The following ACVRL1 variants were observed in gnomAD, a reference collection of about 807,000 sequenced individuals.
ACVRL1 encodes the protein activin A receptor like type 1, also known as activin receptor type-1-like.
In ACVRL1, 20 loss-of-function variants were observed where a neutral mutation model predicts 51.9. That is an observed-to-expected ratio of 0.39 (90% CI 0.27 to 0.56). The LOEUF (loss-of-function observed/expected upper bound fraction) is 0.56, where lower values mean the gene tolerates loss of function less well. ACVRL1 is among the 20% of genes least tolerant of loss of function. The probability of loss-of-function intolerance (pLI) is 0.67; values close to 1 mark genes in which losing one functional copy is unlikely to be tolerated. For synonymous variants in ACVRL1, 288 were observed against 280.9 expected (o/e 1.03, Z -0.25); for missense variants, 451 against 670.3 (o/e 0.67, Z 3.61).
chr12:51,909,836 G>T (rs934060867), intron 1 of ACVRL1, among the ~76,000 whole-genome samples: 5 of 152,114 alleles, frequency 3.3e-5, no homozygotes, highest in Admixed American at 1.3e-4. Flanking sequence ...CTCAGAGAAG[G>T]TTAACTGTTA....
At chr12:51,912,397 G>C (rs1435341135) in intron 1 of ACVRL1, 73 bp from the exon 2 acceptor site, 2 of 1,526,204 alleles carry the variant, frequency 1.3e-6, no homozygotes, top group Non-Finnish European at 1.8e-6. Flanking sequence ...TTTCCTCTGG[G>C]CAGGAGGGAG....
intron 8 of ACVRL1, 83 bp downstream of exon 8, chr12:51,916,316 G>A (rs1455300353): frequency 4.7e-6 from 7 of 1,490,280 alleles, no homozygotes; most frequent in East Asian, 2.4e-5. Flanking sequence ...AGTGCCCATG[G>A]CCTGGGAGGT....
At chr12:51,911,599 C>A (rs942686575) in intron 1 of ACVRL1, among the ~76,000 whole-genome samples, 3 of 152,194 alleles carry the variant, frequency 2.0e-5, no homozygotes, top group African/African-American at 7.2e-5. Context: ...GGGCTGCCAC[C>A]ACTGGATAGG....
chr12:51,915,109 T>A, intron 6 of ACVRL1, 116 bp from the exon 7 acceptor site: 1 of 1,166,386 alleles, frequency 8.6e-7, no homozygotes, highest in Non-Finnish European at 1.3e-6. Flanking sequence ...CCCCCAGACC[T>A]AGCTTAGCAG....
Position 51,920,931 on chromosome 12 carries a change from TGGGGGGGTGG to T in ACVRL1, c.*43_*52del. Reference sequence around the variant, plus strand: ...TGATTCCTTTCTGCCTGCAGGGGGCTGGGGGGGTGGGGGGCAGTGGATGGTGCCCTATCTG... The same window carrying T: ...TGATTCCTTTCTGCCTGCAGGGGGCTGGGGCAGTGGATGGTGCCCTATCTG... On this transcript the variant is annotated 3_prime_UTR_variant, in exon 10 of 10. Transcript: ENST00000388922. 9.9e-6 allele frequency: 2 copies of T among 203,032 alleles called. No individual in the cohort carries two copies. The highest frequency in any genetic ancestry group is 3.1e-5 in the South Asian group (1 of 32,120). 12.6% of individuals were successfully genotyped at this position (203,032 alleles called of 1,614,324 possible).
At chr12:51,910,195 T>C (rs966602896) in intron 1 of ACVRL1, among the ~76,000 whole-genome samples, 1 of 152,198 alleles carries the variant, frequency 6.6e-6, no homozygotes, top group African/African-American at 2.4e-5. Context: ...CGCTCCACAG[T>C]GTCACCACGT....
chr12:51,913,951 C>A, intron 4 of ACVRL1, 23 bp from the exon 5 acceptor site: 1 of 1,610,212 alleles, frequency 6.2e-7, no homozygotes, highest in South Asian at 1.1e-5. Context: ...GGCAGCCTCT[C>A]AGTGGCCTCT....
At chr12:51,915,144 C>T in intron 6 of ACVRL1, 81 bp from the exon 7 acceptor site, 2 of 1,512,796 alleles carry the variant, frequency 1.3e-6, no homozygotes, top group Non-Finnish European at 1.8e-6. Context: ...CCCTCTCCCC[C>T]AACCCCACCC....
At chr12:51,915,646 C>A in intron 7 of ACVRL1, 146 bp downstream of exon 7, 1 of 1,138,534 alleles carries the variant, frequency 8.8e-7, no homozygotes, top group Non-Finnish European at 1.2e-6. Context: ...CAAGACCCCA[C>A]GAGTTGTCTG....
chr12:51,920,942 G>GGGGGGGGC lies in ACVRL1; in HGVS notation c.*52_*53insGGGGCGGG. On this transcript the variant is annotated 3_prime_UTR_variant, in exon 10 of 10. Transcript: ENST00000388922. ...TGCCTGCAGGGGGCTGGGGGGGTGG[G>GGGGGGGGC]GGGCAGTGGATGGTGCCCTATCTGG... 1.6e-6 allele frequency: 1 copy of GGGGGGGGC among 629,042 alleles called. No homozygotes were observed. The highest frequency in any genetic ancestry group is 4.4e-4 in the Middle Eastern group (1 of 2,294). 39.0% of individuals were successfully genotyped at this position (629,042 alleles called of 1,614,324 possible).
chr12:51,922,859 G>A lies in ACVRL1; in HGVS notation c.*1966G>A, dbSNP rs557582466. The A allele has an allele frequency of 1.3e-5, 2 of 152,708 alleles. No homozygotes were observed. The highest frequency in any genetic ancestry group is 1.3e-4 in the Admixed American group (2 of 15,298). The allele number at this position is 152,708 out of a possible 1,614,324, so 9.5% of individuals were successfully genotyped here. A position where few individuals can be genotyped will look rare whatever the true frequency, so the allele number is the denominator to read the frequency against. On this transcript the variant is annotated 3_prime_UTR_variant, in exon 10 of 10. Coordinates refer to ENST00000388922, the MANE Select transcript of ACVRL1 (RefSeq NM_000020.3). ...CCATCCTCATGGTGGCACTTTTCTA[G>A]GCCTGTCTCCCAGCATTGTGCAAGG...
Position 51,921,317 on chromosome 12 carries a change from A to T in ACVRL1, c.*424A>T, listed in dbSNP as rs530324398. The T allele has an allele frequency of 6.8e-6, 2 of 292,362 alleles. No homozygotes were observed. Among genetic ancestry groups the T allele is most frequent in the African/African-American group, 4.3e-5 (2 of 46,122 alleles). 18.1% of individuals were successfully genotyped at this position (292,362 alleles called of 1,614,324 possible). A position where few individuals can be genotyped will look rare whatever the true frequency, so the allele number is the denominator to read the frequency against. On this transcript the variant is annotated 3_prime_UTR_variant, in exon 10 of 10. Coordinates refer to ENST00000388922, the MANE Select transcript of ACVRL1 (RefSeq NM_000020.3). ...GCCAGGGTGGCACAGGGCCCTGTCC[A>T]GCCCCTGGCACACACTTCCCTGCCA...
chr12:51,923,237 C>G lies in ACVRL1; in HGVS notation c.*2344C>G, dbSNP rs1033472948. 9 of 152,302 alleles carry G rather than the reference C, an allele frequency of 5.9e-5. No homozygotes were observed. The highest frequency in any genetic ancestry group is 2.2e-4 in the African/African-American group (9 of 41,462). 9.4% of individuals were successfully genotyped at this position (152,302 alleles called of 1,614,324 possible). On this transcript the variant is annotated 3_prime_UTR_variant, in exon 10 of 10. Coordinates refer to ENST00000388922, the MANE Select transcript of ACVRL1 (RefSeq NM_000020.3). ...GAGAGCAGTCTGCACATGCTTCTGT[C>G]TGAGTGCAGGAAGGTGTTCCAGGGT... is the stretch of plus-strand genomic sequence containing the variant.
chr12:51,912,260 C>A, intron 1 of ACVRL1: 1 of 643,598 alleles, frequency 1.6e-6, no homozygotes, highest in Non-Finnish European at 2.8e-6. Context: ...CTCCACCCTT[C>A]ACCTCTAACA....
rs1940621891 is a variant in ACVRL1 at position 51,907,690 on chromosome 12, C to T, written c.-11C>T. 1 of 152,198 alleles carries T rather than the reference C, an allele frequency of 6.6e-6. No individual in the cohort carries two copies. The highest frequency in any genetic ancestry group is 2.1e-4 in the South Asian group (1 of 4,832). 9.4% of individuals were successfully genotyped at this position (152,198 alleles called of 1,614,324 possible). A position where few individuals can be genotyped will look rare whatever the true frequency, so the allele number is the denominator to read the frequency against. On this transcript the variant is annotated 5_prime_UTR_variant, in exon 1 of 10. Transcript: ENST00000388922. This position sits in a 1 kb window ranked among gnomAD's most constrained non-coding sequence, Gnocchi z 4.5. Reference sequence around the variant, plus strand: ...GCGCCCCGCCACCCGCAGAGCGGGCCCAGAGGTGAGTCGAGGTCCGCGGAC... The same window carrying T: ...GCGCCCCGCCACCCGCAGAGCGGGCTCAGAGGTGAGTCGAGGTCCGCGGAC...
At chr12:51,914,957 T>C (rs1940794857) in intron 6 of ACVRL1, among the ~76,000 whole-genome samples, 1 of 152,096 alleles carries the variant, frequency 6.6e-6, no homozygotes, top group Admixed American at 6.6e-5. Flanking sequence ...TTTCCCAGAC[T>C]GGTCTCAAAT....
chr12:51,912,180 G>A, intron 1 of ACVRL1: 1 of 597,226 alleles, frequency 1.7e-6, no homozygotes, highest in Non-Finnish European at 3.0e-6. Context: ...CAACCTGCCT[G>A]CAGTCTGAGC....
At chr12:51,916,446 C>A (rs533635295) in intron 8 of ACVRL1, among the ~76,000 whole-genome samples, 6 of 152,294 alleles carry the variant, frequency 3.9e-5, no homozygotes, top group African/African-American at 1.2e-4. Context: ...GCTGTGAAAT[C>A]TTGGGTACAT....
chr12:51,910,007 C>T (rs1940659166), intron 1 of ACVRL1, among the ~76,000 whole-genome samples: 1 of 152,202 alleles, frequency 6.6e-6, no homozygotes, highest in Non-Finnish European at 1.5e-5. Flanking sequence ...GTCTGTGCTA[C>T]AGTCAGATTT....
Sources: allele counts gnomAD v4.1 joint callset (sites outside exome capture counted in the v4.1 genomes callset), GRCh38; gene constraint gnomAD v4.1.1; non-coding constraint Gnocchi (gnomAD v3.1); transcripts MANE v1.5; gene names NCBI Gene and HGNC (gene_info 2026-07-23, HGNC 2026-07-21).